The following RAVER1 variants were observed in gnomAD, a reference collection of about 807,000 sequenced individuals.
RAVER1 encodes ribonucleoprotein, PTB binding 1.
Under a neutral mutation model 68.4 loss-of-function variants are expected in RAVER1, and 36 were observed. The observed-to-expected ratio is 0.53, with a 90% CI of 0.40 to 0.70. RAVER1 has a LOEUF of 0.70. Among genes scored for constraint, RAVER1 ranks in the 30% least tolerant of loss-of-function variants. The pLI, the probability that RAVER1 is intolerant of heterozygous loss-of-function variation, is 0.00. For synonymous variants in RAVER1, 469 were observed against 472.7 expected (o/e 0.99, Z 0.10); for missense variants, 933 against 1,019.8 (o/e 0.91, Z 1.16).
rs752628868 is a variant in RAVER1, at chr19:10,319,207, G to A, written c.1804C>T (p.Arg602Trp). 2.4e-5 allele frequency: 38 copies of A among 1,613,758 alleles called. No homozygotes were observed. Among genetic ancestry groups the A allele is most frequent in the Admixed American group, 5.0e-5 (3 of 60,002 alleles). ...CCGTGAGGCCCAAGGGCTGGTTCCC[G>A]TGGGTGGGAGAAGAGCCGCCGAGGT... is the stretch of plus-strand genomic sequence containing the variant. The part of the protein sequence containing the change: ...MGPRRLFSHP[R>W]EPALGPHGPS... The change falls in exon 10 of 13, where the codon CGG becomes TGG. Residue 602 changes from arginine (R) to tryptophan (W), a missense_variant. Arg to Trp is a moderately radical substitution (Grantham distance 101, BLOSUM62 -3). This residue lies in a region of RAVER1 where 699 missense variants were observed against 731.1 expected (regional missense o/e 0.96). Transcript: ENST00000617231.
At position 10,328,623 on chromosome 19, in the gene RAVER1, T is replaced by C. The variant is rs1222152987; in HGVS notation, c.756+19A>G. The C allele has an allele frequency of 6.6e-7, 1 of 1,518,884 alleles. No individual in the cohort carries two copies. Among genetic ancestry groups the C allele is most frequent in the Non-Finnish European group, 8.9e-7 (1 of 1,121,436 alleles). The allele number at this position is 1,518,884 out of a possible 1,614,324, so 94.1% of individuals were successfully genotyped here. ...TCCGGGCCTGGCACCTGCTCCCCAA[T>C]GCTCTCCACAGGGCTCACCTGGCAG... is the stretch of plus-strand genomic sequence containing the variant. On this transcript the variant is annotated intron_variant, in intron 3 of 12. Coordinates refer to ENST00000617231, the MANE Select transcript of RAVER1 (RefSeq NM_133452.3). This position sits in a 1 kb window ranked among gnomAD's most constrained non-coding sequence, Gnocchi z 4.4.
rs1465783269 is a variant in RAVER1 at position 10,317,318 on chromosome 19, T to C, written c.*136A>G. 12 of 962,888 alleles carry C rather than the reference T, an allele frequency of 1.2e-5. No homozygotes were observed. Among genetic ancestry groups the C allele is most frequent in the Non-Finnish European group, 1.8e-5 (11 of 627,856 alleles). The allele number at this position is 962,888 out of a possible 1,614,324, so 59.6% of individuals were successfully genotyped here. A position where few individuals can be genotyped will look rare whatever the true frequency, so the allele number is the denominator to read the frequency against. ...CTTGGGCTCCTGGGGCTCCGGCTGA[T>C]TGGTCAGTAAAGTCTTTCAGAGATT... On this transcript the variant is annotated 3_prime_UTR_variant, in exon 13 of 13. Coordinates refer to ENST00000617231, the MANE Select transcript of RAVER1 (RefSeq NM_133452.3). This position sits in a 1 kb window ranked among gnomAD's most constrained non-coding sequence, Gnocchi z 4.3.
chr19:10,326,379 C>T (rs1450718000), intron 3 of RAVER1, among the ~76,000 whole-genome samples: 1 of 152,258 alleles, frequency 6.6e-6, no homozygotes, highest in Non-Finnish European at 1.5e-5. Context: ...CAAGAGAAAG[C>T]AGCAGAATGG....
rs1247886886 is a variant in RAVER1, at chr19:10,317,937, C to CCAT, written c.1990-167_1990-165dup. The stretch of plus-strand genomic sequence containing the variant: ...GCTATAAGACCTAGGGCCAATTGCT[C>CCAT]CATTTTATTTGAGCCTCGGTTTTCT... On this transcript the variant is annotated intron_variant, in intron 11 of 12. Transcript: ENST00000617231. The surrounding 1 kb of genome is among the most constrained non-coding windows in gnomAD (Gnocchi z 4.3). Among the ~76,000 whole-genome samples, 2 of 151,698 alleles carry CCAT rather than the reference C, an allele frequency of 1.3e-5. No individual in the cohort carries two copies. The highest frequency in any genetic ancestry group is 4.8e-5 in the African/African-American group (2 of 41,350).
intron 7 of RAVER1, 44 bp from the exon 8 acceptor site, chr19:10,321,303 C>G (rs2145069697): frequency 9.4e-7 from 1 of 1,058,982 alleles, no homozygotes; most frequent in East Asian, 3.2e-5. Context: ...CTCACAGGAC[C>G]CCTCTCCCCA....
chr19:10,324,810 A>G (rs568985415), intron 3 of RAVER1, among the ~76,000 whole-genome samples: 68 of 152,266 alleles, frequency 4.5e-4, no homozygotes, highest in South Asian at 1.0e-3. Flanking sequence ...CCCACCCTCC[A>G]TTCAGCTGGG....
chr19:10,317,678 C>T lies in RAVER1; in HGVS notation c.2073+12G>A, dbSNP rs773546359. On this transcript the variant is annotated intron_variant, in intron 12 of 12. Transcript: ENST00000617231. The surrounding 1 kb of genome is among the most constrained non-coding windows in gnomAD (Gnocchi z 4.3). ...CTTCCCAGCCCTGCATGTCCCCACC[C>T]CCTGCCCGTACCTTCAGCAGGTGGC... 6.4e-6 allele frequency: 10 copies of T among 1,564,704 alleles called. No individual in the cohort carries two copies. Among genetic ancestry groups the T allele is most frequent in the Non-Finnish European group, 8.7e-6 (10 of 1,152,664 alleles).
rs1262158014 is a variant in RAVER1, at chr19:10,323,954, G to A, written c.757-388C>T. On this transcript the variant is annotated intron_variant, in intron 3 of 12. Coordinates refer to ENST00000617231, the MANE Select transcript of RAVER1 (RefSeq NM_133452.3). The surrounding 1 kb of genome is among the most constrained non-coding windows in gnomAD (Gnocchi z 6.2). The stretch of plus-strand genomic sequence containing the variant: ...ACCTGAGGTCGGGAGTTCGAGACCA[G>A]CCTGACCAACATGGAGAAACCCCGT... 3.3e-5 allele frequency among the ~76,000 whole-genome samples: 5 copies of A among 152,006 alleles called. No individual in the cohort carries two copies. The highest frequency in any genetic ancestry group is 7.4e-5 in the Non-Finnish European group (5 of 68,008).
intron 2 of RAVER1, among the ~76,000 whole-genome samples, chr19:10,330,048 A>AGGAGGCGGAGGTTGCAG (rs1308302365): frequency 1.3e-5 from 2 of 150,806 alleles, no homozygotes; most frequent in Non-Finnish European, 2.9e-5. Flanking sequence ...GGCTGAACCC[A>AGGAGGCGGAGGTTGCAG]GGAGGCGGAG....
intron 3 of RAVER1, among the ~76,000 whole-genome samples, chr19:10,327,720 T>TA (rs2040484959): frequency 6.6e-6 from 1 of 152,216 alleles, no homozygotes; most frequent in South Asian, 2.1e-4. Flanking sequence ...ATGGGAGTGA[T>TA]ACCTGCCTCT....
intron 7 of RAVER1, 49 bp downstream of exon 7, chr19:10,321,478 GGGAA>G: frequency 1.5e-6 from 2 of 1,307,126 alleles, no homozygotes; most frequent in South Asian, 2.9e-5. Flanking sequence ...CCACGTAGCA[GGGAA>G]GGAAGGGGAA....
In RAVER1 at chr19:10,320,728, A is replaced by G. The variant is rs1414865260; in HGVS notation, c.1697T>C (p.Leu566Pro). ...CAGGCGGGCGCTGCTGAGGGGGCTG[A>G]GCAGGCGGGACTTGAGCTGGAAGGC... Reference protein sequence around the residue: ...SKAFQLKSRLLSPLSSARLPP... With the variant: ...SKAFQLKSRLPSPLSSARLPP... The change falls in exon 9 of 13, where the codon CTC becomes CCC. Residue 566 changes from leucine (L) to proline (P), a missense_variant. Physicochemically the swap from Leu to Pro is moderately conservative, Grantham distance 98. Transcript: ENST00000617231. 2.0e-6 allele frequency: 3 copies of G among 1,526,548 alleles called. No individual in the cohort carries two copies. The highest frequency in any genetic ancestry group is 1.7e-6 in the Non-Finnish European group (2 of 1,147,632). 94.6% of individuals were successfully genotyped at this position (1,526,548 alleles called of 1,614,324 possible). A position where few individuals can be genotyped will look rare whatever the true frequency, so the allele number is the denominator to read the frequency against.
rs1167415665 is a variant in RAVER1 at position 10,323,025 on chromosome 19, C to A, written c.1078+120G>T. 2.8e-5 allele frequency: 24 copies of A among 865,544 alleles called. No individual in the cohort carries two copies. Among genetic ancestry groups the A allele is most frequent in the Non-Finnish European group, 4.2e-5 (24 of 573,034 alleles). The allele number at this position is 865,544 out of a possible 1,614,324, so 53.6% of individuals were successfully genotyped here. Reference sequence around the variant, plus strand: ...CCCCCGCTATGACTCCATACTCCCCCTCGGCCCTACTCCTGGGGCTCCTGT... The same window carrying A: ...CCCCCGCTATGACTCCATACTCCCCATCGGCCCTACTCCTGGGGCTCCTGT... On this transcript the variant is annotated intron_variant, in intron 5 of 12. Transcript: ENST00000617231. The surrounding 1 kb of genome is among the most constrained non-coding windows in gnomAD (Gnocchi z 6.2).
In RAVER1 at chr19:10,320,736, G is replaced by A. The variant is rs2145068499; in HGVS notation, c.1689C>T (p.Ser563=). 6.5e-7 allele frequency: 1 copy of A among 1,529,722 alleles called. No individual in the cohort carries two copies. The highest frequency in any genetic ancestry group is 8.7e-7 in the Non-Finnish European group (1 of 1,147,340). The allele number at this position is 1,529,722 out of a possible 1,614,324, so 94.8% of individuals were successfully genotyped here. ...SSSSKAFQLK[S]RLLSPLSSAR... is the part of the protein sequence containing the mutation. The stretch of plus-strand genomic sequence containing the variant: ...CGCTGCTGAGGGGGCTGAGCAGGCG[G>A]GACTTGAGCTGGAAGGCTTTGCTGC... The change falls in exon 9 of 13, where the codon TCC becomes TCT. Residue 563 remains serine (S), a synonymous_variant. Transcript: ENST00000617231.
chr19:10,322,354 CCA>C lies in RAVER1; in HGVS notation c.1173+289_1173+290del, dbSNP rs1394370738. 12 of 416,272 alleles carry C rather than the reference CCA, an allele frequency of 2.9e-5. No individual in the cohort carries two copies. In the South Asian group the frequency reaches 3.2e-4, roughly 11 times the overall value. The allele number at this position is 416,272 out of a possible 1,614,324, so 25.8% of individuals were successfully genotyped here. A position where few individuals can be genotyped will look rare whatever the true frequency, so the allele number is the denominator to read the frequency against. ...CAGCAGCGGCGCTCCCAGCCCACAC[CCA>C]GTTTCAGGCTGTAAATGGGCGTGTC... is the stretch of plus-strand genomic sequence containing the variant. On this transcript the variant is annotated intron_variant, in intron 6 of 12. Coordinates refer to ENST00000617231, the MANE Select transcript of RAVER1 (RefSeq NM_133452.3). The surrounding 1 kb of genome is among the most constrained non-coding windows in gnomAD (Gnocchi z 4.3).
In RAVER1 at chr19:10,330,066, C is replaced by T. The variant is rs540319897; in HGVS notation, c.286+394G>A. Among the ~76,000 whole-genome samples, 619 of 149,858 alleles carry T rather than the reference C, an allele frequency of 4.1e-3. 3 individuals carry two copies. The highest frequency in any genetic ancestry group is 6.3e-3 in the Non-Finnish European group (429 of 67,654). ...TGAACCCAGGAGGCGGAGGTTGCAG[C>T]GAGCCGAGCTCGCGCCACTGCACTC... On this transcript the variant is annotated intron_variant, in intron 2 of 12. Transcript: ENST00000617231.
At chr19:10,320,985 C>T (rs542165922) in intron 8 of RAVER1, 34 bp from the exon 9 acceptor site, 22 of 1,483,928 alleles carry the variant, frequency 1.5e-5, no homozygotes, top group East Asian at 2.6e-5. Context: ...AGAGGGCCCC[C>T]GGGAGAGGGA....
chr19:10,329,190 G>C lies in RAVER1; in HGVS notation c.287-79C>G, dbSNP rs1365535497. The C allele has an allele frequency of 1.1e-5, 10 of 895,290 alleles. No individual in the cohort carries two copies. Among genetic ancestry groups the C allele is most frequent in the Non-Finnish European group, 1.7e-5 (10 of 597,214 alleles). The allele number at this position is 895,290 out of a possible 1,614,324, so 55.5% of individuals were successfully genotyped here. On this transcript the variant is annotated intron_variant, in intron 2 of 12. Coordinates refer to ENST00000617231, the MANE Select transcript of RAVER1 (RefSeq NM_133452.3). The surrounding 1 kb of genome is among the most constrained non-coding windows in gnomAD (Gnocchi z 4.6). ...TCCACCCCGCCACCCTGCAAACCAG[G>C]TGGGACCTCCAAATGCTGGGCATCT...
At chr19:10,325,998 G>A (rs1205251054) in intron 3 of RAVER1, among the ~76,000 whole-genome samples, 2 of 152,088 alleles carry the variant, frequency 1.3e-5, no homozygotes, top group Non-Finnish European at 2.9e-5. Context: ...GCTCACACCT[G>A]TAATCTCAGC....
Sources: allele counts gnomAD v4.1 joint callset (sites outside exome capture counted in the v4.1 genomes callset), GRCh38; gene constraint gnomAD v4.1.1; regional missense constraint gnomAD v4.1.1; non-coding constraint Gnocchi (gnomAD v3.1); transcripts MANE v1.5; gene names NCBI Gene and HGNC (gene_info 2026-07-23, HGNC 2026-07-21).